Variants in EML6 observed in about 807,000 individuals in gnomAD.
EML6 encodes echinoderm microtubule-associated protein-like 6.
Under a neutral mutation model 240.1 loss-of-function variants are expected in EML6, and 154 were observed. That is an observed-to-expected ratio of 0.64 (90% CI 0.56 to 0.73). EML6 has a LOEUF of 0.73. Among genes scored for constraint, EML6 ranks in the 30% least tolerant of loss-of-function variants. The pLI is 0.00. For missense variants in EML6, 2,964 were observed against 2,474.6 expected, an observed-to-expected ratio of 1.20 and a Z score of -4.20; for synonymous variants, 1,148 against 899.0, an observed-to-expected ratio of 1.28 and a Z score of -4.95.
intron 5 of EML6, among the ~76,000 whole-genome samples, chr2:54,822,043 C>G (rs371423632): frequency 6.6e-6 from 1 of 152,158 alleles, no homozygotes; most frequent in East Asian, 1.9e-4. Context: ...AAGCAACACA[C>G]AAAATAGATA....
intron 8 of EML6, among the ~76,000 whole-genome samples, chr2:54,844,825 A>T (rs1344799643): frequency 6.6e-6 from 1 of 152,234 alleles, no homozygotes; most frequent in Non-Finnish European, 1.5e-5. Flanking sequence ...TGAGAGCCCA[A>T]CTGGGTAAAA....
chr2:54,915,450 T>C (rs1419828049), intron 25 of EML6, among the ~76,000 whole-genome samples: 2 of 152,048 alleles, frequency 1.3e-5, no homozygotes, highest in Non-Finnish European at 2.9e-5. Flanking sequence ...CCTGTGAAGG[T>C]TAGGTTAGGA....
At chr2:54,929,533 A>G (rs1219580550) in intron 28 of EML6, among the ~76,000 whole-genome samples, 1 of 152,238 alleles carries the variant, frequency 6.6e-6, no homozygotes, top group Non-Finnish European at 1.5e-5. Flanking sequence ...TTGGCTGTTC[A>G]CATTGAGGTA....
intron 15 of EML6, 139 bp downstream of exon 15, chr2:54,869,506 C>G: frequency 1.4e-6 from 1 of 704,092 alleles, no homozygotes; most frequent in Non-Finnish European, 2.3e-6. Context: ...ATCATTGGAT[C>G]CTTCCAAGAT....
Position 54,891,101 on chromosome 2 carries a change from T to A in EML6, c.2486T>A (p.Val829Asp), listed in dbSNP as rs754366105. The part of the protein sequence containing the change: ...IFVVKCNPHH[V>D]DKLVTVGIKH... ...GTGGTAAAGTGTAACCCACACCATG[T>A]TGACAAACTGGTTACAGTTGGGATA... Residue 829 changes from valine (V) to aspartate (D), a missense_variant, in exon 18 of 42, where the codon GTT (valine) becomes GAT (aspartate). By Grantham distance (152) the Val-to-Asp change is radical. Coordinates refer to ENST00000356458, the MANE Select transcript of EML6 (RefSeq NM_001039753.4). The A allele has an allele frequency of 6.6e-7, 1 of 1,511,720 alleles. No homozygotes were observed. Among genetic ancestry groups the A allele is most frequent in the African/African-American group, 1.4e-5 (1 of 72,748 alleles). 93.6% of individuals were successfully genotyped at this position (1,511,720 alleles called of 1,614,324 possible). A position where few individuals can be genotyped will look rare whatever the true frequency, so the allele number is the denominator to read the frequency against.
In EML6 at chr2:54,725,376, C is replaced by A; in HGVS notation, c.197+118C>A. The stretch of plus-strand genomic sequence containing the variant: ...GTGGAATAGAGGATTCTCTCTGGAG[C>A]CGCATGGAATTACTGAAGGGCTGCT... On this transcript the variant is annotated intron_variant, in intron 2 of 41. Transcript: ENST00000356458. The surrounding 1 kb of genome is among the most constrained non-coding windows in gnomAD (Gnocchi z 4.3). The A allele has an allele frequency of 1.4e-6, 1 of 735,730 alleles. No homozygotes were observed. Among genetic ancestry groups the A allele is most frequent in the South Asian group, 2.6e-5 (1 of 38,650 alleles). The allele number at this position is 735,730 out of a possible 1,614,324, so 45.6% of individuals were successfully genotyped here.
At chr2:54,859,870 G>T (rs1333691841) in intron 12 of EML6, among the ~76,000 whole-genome samples, 169 bp downstream of exon 12, 1 of 152,188 alleles carries the variant, frequency 6.6e-6, no homozygotes, top group Non-Finnish European at 1.5e-5. Context: ...ACATGGGTCA[G>T]TTGGATAATT....
intron 34 of EML6, among the ~76,000 whole-genome samples, chr2:54,959,578 A>G (rs1206412476): frequency 6.6e-6 from 1 of 152,130 alleles, no homozygotes; most frequent in African/African-American, 2.4e-5. Context: ...CCTGGTCAAC[A>G]TGGTGAAACC....
intron 21 of EML6, among the ~76,000 whole-genome samples, chr2:54,896,149 G>T (rs1285343466): frequency 1.3e-5 from 2 of 152,022 alleles, no homozygotes; most frequent in Non-Finnish European, 2.9e-5. Flanking sequence ...CACCTCCAAG[G>T]TCCCCAAGAG....
Position 54,899,946 on chromosome 2 carries a change from T to G in EML6, c.3124+164T>G, listed in dbSNP as rs980862669. 1.8e-4 allele frequency among the ~76,000 whole-genome samples: 27 copies of G among 152,234 alleles called. 1 individual carries two copies. Among genetic ancestry groups the G allele is most frequent in the African/African-American group, 5.3e-4 (22 of 41,450 alleles). The stretch of plus-strand genomic sequence containing the variant: ...GTTGCTACAGTCATAACTAAGCACA[T>G]GTAGAATTATGCCAGAAGGCTGGCC... On this transcript the variant is annotated intron_variant, in intron 22 of 41. Coordinates refer to ENST00000356458, the MANE Select transcript of EML6 (RefSeq NM_001039753.4).
At chr2:54,889,572 C>T (rs1672348964) in intron 17 of EML6, among the ~76,000 whole-genome samples, 1 of 151,534 alleles carries the variant, frequency 6.6e-6, no homozygotes, top group South Asian at 2.1e-4. Flanking sequence ...GTCCTCTCCT[C>T]CATTATATTT....
At chr2:54,814,786 T>G (rs749216817) in intron 3 of EML6, among the ~76,000 whole-genome samples, 1 of 152,196 alleles carries the variant, frequency 6.6e-6, no homozygotes, top group African/African-American at 2.4e-5. Flanking sequence ...CACTAGTCAT[T>G]TTTCTTTCTA....
At chr2:54,885,044 C>A (rs935667377) in intron 17 of EML6, among the ~76,000 whole-genome samples, 1 of 152,086 alleles carries the variant, frequency 6.6e-6, no homozygotes, top group Non-Finnish European at 1.5e-5. Flanking sequence ...GTAGTCCCAG[C>A]TGCTTGGGAG....
intron 2 of EML6, among the ~76,000 whole-genome samples, chr2:54,808,112 G>A (rs1270558144): frequency 6.6e-6 from 1 of 152,196 alleles, no homozygotes; most frequent in African/African-American, 2.4e-5. Flanking sequence ...GAATTTTGCT[G>A]TTTTGTCCAT....
intron 2 of EML6, among the ~76,000 whole-genome samples, chr2:54,806,209 G>A (rs1446217345): frequency 1.3e-5 from 2 of 152,052 alleles, no homozygotes; most frequent in Non-Finnish European, 2.9e-5. Flanking sequence ...AACTGATCTT[G>A]TCCATTCCAA....
intron 11 of EML6, among the ~76,000 whole-genome samples, chr2:54,855,117 T>TCTTACA (rs1227368153): frequency 6.6e-6 from 1 of 152,238 alleles, no homozygotes; most frequent in East Asian, 1.9e-4. Context: ...GTTAGTCTAT[T>TCTTACA]CTTACATTGC....
chr2:54,790,652 C>G (rs1349361014), intron 2 of EML6, among the ~76,000 whole-genome samples: 2 of 151,664 alleles, frequency 1.3e-5, no homozygotes, highest in Middle Eastern at 3.4e-3. Context: ...GGCTTTCCCA[C>G]AGTTGATCAT....
chr2:54,794,580 G>C (rs1048157271), intron 2 of EML6, among the ~76,000 whole-genome samples: 4 of 152,058 alleles, frequency 2.6e-5, no homozygotes, highest in African/African-American at 9.7e-5. Flanking sequence ...GCCCCCTAAA[G>C]GATCCTGTCT....
intron 2 of EML6, among the ~76,000 whole-genome samples, chr2:54,732,510 G>A (rs1053150404): frequency 1.3e-5 from 2 of 152,100 alleles, no homozygotes; most frequent in African/African-American, 4.8e-5. Context: ...TCTCTTGCAT[G>A]TGGATATCTG....
Sources: gnomAD v4.1 joint callset for allele counts (sites outside exome capture counted in the v4.1 genomes callset) on GRCh38, gnomAD v4.1.1 for gene constraint, Gnocchi (gnomAD v3.1) non-coding constraint, MANE v1.5 for transcripts, NCBI Gene and HGNC (gene_info 2026-07-23, HGNC 2026-07-21) for gene names.